BAZ1A: variants seen among roughly 807,000 people sequenced by gnomAD.
The protein encoded by BAZ1A is bromodomain adjacent to zinc finger domain 1A.
BAZ1A carries 50 observed loss-of-function variants against 185.2 expected under a neutral mutation model. That is an observed-to-expected ratio of 0.27 (90% CI 0.22 to 0.34). BAZ1A has a LOEUF of 0.34. BAZ1A is among the 10% of genes least tolerant of loss of function. The probability of loss-of-function intolerance (pLI) is 1.00; values close to 1 mark genes in which losing one functional copy is unlikely to be tolerated. For missense variants in BAZ1A, 1,356 were observed against 1,839.9 expected, an observed-to-expected ratio of 0.74 and a Z score of 4.81; for synonymous variants, 571 against 615.6, an observed-to-expected ratio of 0.93 and a Z score of 1.07.
At chr14:34,794,414 G>C (rs1204626162) in intron 11 of BAZ1A, among the ~76,000 whole-genome samples, 3 of 152,154 alleles carry the variant, frequency 2.0e-5, no homozygotes, top group Non-Finnish European at 4.4e-5. Context: ...ATCCCACGGT[G>C]GCCTCTCACT....
chr14:34,800,562 G>A lies in BAZ1A; in HGVS notation c.962-172C>T, dbSNP rs1881460592. ...ATTATTAAAACAGGAAAAGCAAATT[G>A]GCTAAGTTTATGACAAACTACAGTA... On this transcript the variant is annotated intron_variant, in intron 8 of 26. Coordinates refer to ENST00000360310, the MANE Select transcript of BAZ1A (RefSeq NM_013448.3). Among the ~76,000 whole-genome samples, 3 of 152,078 alleles carry A rather than the reference G, an allele frequency of 2.0e-5. 1 individual carries two copies. In the South Asian group the frequency reaches 6.2e-4, roughly 31 times the overall value.
intron 3 of BAZ1A, among the ~76,000 whole-genome samples, chr14:34,838,035 C>A (rs982649446): frequency 2.0e-5 from 3 of 150,828 alleles, no homozygotes; most frequent in African/African-American, 7.3e-5. Flanking sequence ...ACAATGAAAA[C>A]GATTGTTACA....
At chr14:34,807,406 A>T in intron 6 of BAZ1A, 45 bp downstream of exon 6, 2 of 1,414,178 alleles carry the variant, frequency 1.4e-6, no homozygotes. Context: ...AACACTACCC[A>T]TTTTGTTTTC....
chr14:34,842,222 G>T (rs914658441), intron 3 of BAZ1A, among the ~76,000 whole-genome samples: 4 of 151,952 alleles, frequency 2.6e-5, no homozygotes, highest in African/African-American at 9.7e-5. Flanking sequence ...AAAAAAAAAG[G>T]CACAAACAAT....
In BAZ1A at chr14:34,831,392, A is replaced by T. The variant is rs534877346; in HGVS notation, c.393-5236T>A. Reference sequence around the variant, plus strand: ...CCTTGTCTCCCACCATGAAATCTGTAAGATAAAATTCTGGTGCTGTCGGCA... The same window carrying T: ...CCTTGTCTCCCACCATGAAATCTGTTAGATAAAATTCTGGTGCTGTCGGCA... On this transcript the variant is annotated intron_variant, in intron 3 of 26. Transcript: ENST00000360310. Among the ~76,000 whole-genome samples the T allele has an allele frequency of 5.9e-5, 9 of 152,310 alleles. No individual in the cohort carries two copies. In the South Asian group the frequency reaches 1.9e-3, roughly 32 times the overall value.
rs1447818675 is a variant in BAZ1A at position 34,754,953 on chromosome 14, C to T, written c.4387-39G>A. On this transcript the variant is annotated intron_variant, in intron 25 of 26. Transcript: ENST00000360310. ...CAAATATCTCTGTCCACACAGAAAA[C>T]TTAACTGGAAAGAAGTGTTCAAATA... 23 of 1,476,528 alleles carry T rather than the reference C, an allele frequency of 1.6e-5. No homozygotes were observed. In the Admixed American group the frequency reaches 5.0e-4, roughly 32 times the overall value. 91.5% of individuals were successfully genotyped at this position (1,476,528 alleles called of 1,614,324 possible).
chr14:34,843,895 C>T (rs1407213140), intron 3 of BAZ1A, among the ~76,000 whole-genome samples: 1 of 152,106 alleles, frequency 6.6e-6, no homozygotes, highest in African/African-American at 2.4e-5. Context: ...CAGCTCATCA[C>T]CTTTGCAAGC....
chr14:34,807,070 A>T (rs1450761027), intron 6 of BAZ1A, among the ~76,000 whole-genome samples: 1 of 148,522 alleles, frequency 6.7e-6, no homozygotes, highest in African/African-American at 2.5e-5. Flanking sequence ...TCTTTTTATT[A>T]TACATTGTTC....
intron 3 of BAZ1A, among the ~76,000 whole-genome samples, chr14:34,853,512 C>CAGTG (rs2042628408): frequency 6.6e-6 from 1 of 152,084 alleles, no homozygotes; most frequent in African/African-American, 2.4e-5. Flanking sequence ...AGGTCAGGCG[C>CAGTG]AGTGATTCAC....
rs568135865 is a variant in BAZ1A at position 34,839,923 on chromosome 14, T to A, written c.393-13767A>T. On this transcript the variant is annotated intron_variant, in intron 3 of 26. Coordinates refer to ENST00000360310, the MANE Select transcript of BAZ1A (RefSeq NM_013448.3). ...AAAAAGAAAAGAACAATTAAAAATT[T>A]TTTTAAGTCAGAACTCTACCAAAAA... Among the ~76,000 whole-genome samples the A allele has an allele frequency of 1.3e-4, 19 of 151,788 alleles. No individual in the cohort carries two copies. The South Asian group carries it at 4.0e-3, about 32-fold the overall frequency.
At chr14:34,850,047 T>A (rs975894547) in intron 3 of BAZ1A, among the ~76,000 whole-genome samples, 1 of 152,118 alleles carries the variant, frequency 6.6e-6, no homozygotes, top group African/African-American at 2.4e-5. Flanking sequence ...CTCAAATATC[T>A]GTACGCACAA....
At chr14:34,850,253 C>T (rs1488760670) in intron 3 of BAZ1A, among the ~76,000 whole-genome samples, 1 of 152,126 alleles carries the variant, frequency 6.6e-6, no homozygotes, top group African/African-American at 2.4e-5. Flanking sequence ...TGGAATGGGC[C>T]TGTAGTCCCA....
At chr14:34,753,949 C>G (rs1387408079) in intron 26 of BAZ1A, among the ~76,000 whole-genome samples, 1 of 151,472 alleles carries the variant, frequency 6.6e-6, no homozygotes, top group African/African-American at 2.4e-5. Flanking sequence ...AAAACCCCAT[C>G]TCTACAAAAA....
At chr14:34,812,605 G>A (rs1203204639) in intron 4 of BAZ1A, among the ~76,000 whole-genome samples, 1 of 152,192 alleles carries the variant, frequency 6.6e-6, no homozygotes, top group East Asian at 1.9e-4. Context: ...GACTTAAATG[G>A]AAGTAGCAGC....
At chr14:34,757,737 G>A (rs1886322630) in intron 25 of BAZ1A, among the ~76,000 whole-genome samples, 2 of 136,236 alleles carry the variant, frequency 1.5e-5, no homozygotes, top group Non-Finnish European at 3.4e-5. Context: ...TAACTCTATT[G>A]TTTTCTTTTT....
intron 12 of BAZ1A, among the ~76,000 whole-genome samples, chr14:34,792,154 C>T (rs946924813): frequency 6.6e-6 from 1 of 152,116 alleles, no homozygotes; most frequent in South Asian, 2.1e-4. Flanking sequence ...GAGGCCAAGG[C>T]GGGTGGATCA....
chr14:34,776,560 T>G, intron 17 of BAZ1A, 45 bp from the exon 18 acceptor site: 1 of 1,482,328 alleles, frequency 6.7e-7, no homozygotes, highest in Non-Finnish European at 9.0e-7. Context: ...ATTTCAAGTT[T>G]CCATTAGAAA....
rs1886555718 is a variant in BAZ1A, at chr14:34,762,223, G to A, written c.3777C>T (p.Ser1259=). The A allele has an allele frequency of 1.9e-6, 3 of 1,612,088 alleles. No individual in the cohort carries two copies. The Admixed American group carries it at 5.0e-5, about 27-fold the overall frequency. The change falls in exon 24 of 27, where the codon AGC becomes AGT. Residue 1259 remains serine, a splice_region_variant and synonymous_variant. Coordinates refer to ENST00000360310, the MANE Select transcript of BAZ1A (RefSeq NM_013448.3). ...CTTGTGGTCTTCCTCGTTTGGGTAG[G>A]CTATAAATATTGTTAGAAAACACAA... is the stretch of plus-strand genomic sequence containing the variant. The part of the protein sequence containing the change: ...EDDSQEEEEV[S]LPKRGRPQVR...
chr14:34,867,919 C>T lies in BAZ1A; in HGVS notation c.114-5597G>A, dbSNP rs748195795. On this transcript the variant is annotated intron_variant, in intron 2 of 26. Coordinates refer to ENST00000360310, the MANE Select transcript of BAZ1A (RefSeq NM_013448.3). ...AATTCTAGGGGGTTGGTTACAATGC[C>T]TCTTCAATTTCTACATTATTAAGAA... 1.7e-4 allele frequency among the ~76,000 whole-genome samples: 26 copies of T among 152,252 alleles called. No individual in the cohort carries two copies. In the East Asian group the frequency reaches 2.9e-3, roughly 17 times the overall value.
Sources: allele counts gnomAD v4.1 joint callset (sites outside exome capture counted in the v4.1 genomes callset), GRCh38; gene constraint gnomAD v4.1.1; transcripts MANE v1.5; gene names NCBI Gene and HGNC (gene_info 2026-07-23, HGNC 2026-07-21).